The following ADAMTS14 variants were observed in gnomAD, a reference collection of about 807,000 sequenced individuals.
ADAMTS14 encodes the protein ADAM metallopeptidase with thrombospondin type 1 motif 14, also known as A disintegrin and metalloproteinase with thrombospondin motifs 14.
A neutral mutation model predicts 128.6 loss-of-function variants in ADAMTS14; 100 were observed. That is an observed-to-expected ratio of 0.78 (90% CI 0.66 to 0.92). The LOEUF (loss-of-function observed/expected upper bound fraction) is 0.92. Among genes scored for constraint, ADAMTS14 ranks in the 40% least tolerant of loss-of-function variants. ADAMTS14 has a pLI of 0.00. For missense variants in ADAMTS14, 1,562 were observed against 1,658.6 expected (o/e 0.94, Z 1.01); for synonymous variants, 665 against 653.8 (o/e 1.02, Z -0.26).
chr10:70,679,100 A>G (rs1008740952), intron 2 of ADAMTS14, among the ~76,000 whole-genome samples: 1 of 152,158 alleles, frequency 6.6e-6, no homozygotes, highest in Non-Finnish European at 1.5e-5. Context: ...TTGAGAATCT[A>G]GTGAGAGGCA....
At chr10:70,693,309 C>T (rs1028328462) in intron 2 of ADAMTS14, among the ~76,000 whole-genome samples, 2 of 152,180 alleles carry the variant, frequency 1.3e-5, no homozygotes, top group Non-Finnish European at 2.9e-5. Flanking sequence ...ATGTCAAAGA[C>T]AGGCCATAGC....
chr10:70,725,585 G>A (rs1486756595), intron 4 of ADAMTS14, among the ~76,000 whole-genome samples: 1 of 152,188 alleles, frequency 6.6e-6, no homozygotes, highest in Non-Finnish European at 1.5e-5. Flanking sequence ...TAGAAGGAGT[G>A]AGGGGGTCTT....
At chr10:70,723,738 C>T (rs1368564267) in intron 4 of ADAMTS14, among the ~76,000 whole-genome samples, 7 of 152,138 alleles carry the variant, frequency 4.6e-5, no homozygotes, top group Admixed American at 2.6e-4. Context: ...AAGACCTGCC[C>T]GAGCCTGGCT....
At chr10:70,747,148 G>A (rs773516990) in intron 15 of ADAMTS14, among the ~76,000 whole-genome samples, 3 of 152,148 alleles carry the variant, frequency 2.0e-5, no homozygotes, top group Non-Finnish European at 4.4e-5. Flanking sequence ...CCTGGAGAAT[G>A]CATCTGCATT....
At chr10:70,721,829 A>G (rs1432462775) in intron 4 of ADAMTS14, among the ~76,000 whole-genome samples, 1 of 152,208 alleles carries the variant, frequency 6.6e-6, no homozygotes, top group Admixed American at 6.5e-5. Flanking sequence ...TGACCTTTCC[A>G]TGCAGCATTG....
chr10:70,757,915 T>C, intron 19 of ADAMTS14, 47 bp from the exon 20 acceptor site: 1 of 1,546,740 alleles, frequency 6.5e-7, no homozygotes, highest in South Asian at 1.3e-5. Context: ...TCTCTCCACC[T>C]ACCCTGACCC....
intron 3 of ADAMTS14, among the ~76,000 whole-genome samples, chr10:70,707,919 G>T (rs145553719): frequency 6.8e-4 from 103 of 152,314 alleles, no homozygotes; most frequent in African/African-American, 2.4e-3. Context: ...TCGAATGGTT[G>T]TGACCGAGAA....
intron 7 of ADAMTS14, among the ~76,000 whole-genome samples, chr10:70,733,131 A>G (rs1589313101): frequency 6.6e-6 from 1 of 152,020 alleles, no homozygotes. Context: ...CCTCCTCTCC[A>G]CACCTGCAAC....
chr10:70,705,484 T>A (rs1295422050), intron 3 of ADAMTS14, among the ~76,000 whole-genome samples: 1 of 152,242 alleles, frequency 6.6e-6, no homozygotes, highest in Non-Finnish European at 1.5e-5. Context: ...ATTTTAACCA[T>A]TTTGAGGCAT....
rs146801197 is a variant in ADAMTS14 at position 70,733,097 on chromosome 10, C to G, written c.1208+738C>G. 6.3e-3 allele frequency among the ~76,000 whole-genome samples: 958 copies of G among 152,280 alleles called. 9 individuals carry two copies. The highest frequency in any genetic ancestry group is 9.8e-3 in the Non-Finnish European group (670 of 68,022). Reference sequence around the variant, plus strand: ...TCAGCCCTGTTAGATTTTATCCCAGCTCTGCTCCTCCAGGCAGGTGGGACC... The same window carrying G: ...TCAGCCCTGTTAGATTTTATCCCAGGTCTGCTCCTCCAGGCAGGTGGGACC... On this transcript the variant is annotated intron_variant, in intron 7 of 21. Coordinates refer to ENST00000373207, the MANE Select transcript of ADAMTS14 (RefSeq NM_080722.4).
At chr10:70,687,038 C>T (rs1166847175) in intron 2 of ADAMTS14, among the ~76,000 whole-genome samples, 46 of 118,618 alleles carry the variant, frequency 3.9e-4, no homozygotes, top group African/African-American at 1.3e-3. Flanking sequence ...CCGGACGGGG[C>T]GGCTGGCCGG....
At chr10:70,732,087 C>T (rs1263834196) in intron 6 of ADAMTS14, among the ~76,000 whole-genome samples, 167 bp from the exon 7 acceptor site, 1 of 152,126 alleles carries the variant, frequency 6.6e-6, no homozygotes, top group Non-Finnish European at 1.5e-5. Flanking sequence ...GGTGGCTTGG[C>T]CCAGGTTTGT....
intron 4 of ADAMTS14, among the ~76,000 whole-genome samples, chr10:70,724,405 C>G (rs140583739): frequency 6.6e-6 from 1 of 152,184 alleles, no homozygotes; most frequent in Admixed American, 6.5e-5. Context: ...GGAAGCGATC[C>G]GTGATCTCCC....
At chr10:70,691,487 T>TAAAAAAAAAAAAAAAAAAAA (rs11373533) in intron 2 of ADAMTS14, among the ~76,000 whole-genome samples, 3 of 86,700 alleles carry the variant, frequency 3.5e-5, no homozygotes, top group East Asian at 3.2e-4. Context: ...GAGACCCTGT[T>TAAAAAAAAAAAAAAAAAAAA]AAAAAAAAAA....
At position 70,730,256 on chromosome 10, in the gene ADAMTS14, A is replaced by C. The variant is rs1311745970; in HGVS notation, c.1102+7A>C. On this transcript the variant is annotated splice_region_variant and intron_variant, in intron 6 of 21. Transcript: ENST00000373207. ...CAGGACTTTGGGCCCTCAGGTATGC[A>C]AGGTACTGTATTTGCCATGGCCAGG... 1 of 1,613,250 alleles carries C rather than the reference A, an allele frequency of 6.2e-7. No homozygotes were observed. The highest frequency in any genetic ancestry group is 2.2e-5 in the East Asian group (1 of 44,854).
chr10:70,728,405 A>G (rs1184357073), intron 4 of ADAMTS14, among the ~76,000 whole-genome samples: 4 of 152,180 alleles, frequency 2.6e-5, no homozygotes, highest in Non-Finnish European at 4.4e-5. Flanking sequence ...TTTTATTTCT[A>G]GTGAGGTGTT....
intron 4 of ADAMTS14, among the ~76,000 whole-genome samples, chr10:70,726,847 C>G (rs1406543039): frequency 6.6e-6 from 1 of 152,166 alleles, no homozygotes; most frequent in African/African-American, 2.4e-5. Context: ...GACATTGTCT[C>G]TACGCATTGG....
At position 70,744,134 on chromosome 10, in the gene ADAMTS14, C is replaced by G. The variant is rs765742331; in HGVS notation, c.2127C>G (p.Asp709Glu). The change falls in exon 14 of 22, where the codon GAC becomes GAG. Residue 709 changes from aspartate (D) to glutamate (E), a missense_variant. Coordinates refer to ENST00000373207, the MANE Select transcript of ADAMTS14 (RefSeq NM_080722.4). ...ADDKCGVCGG[D>E]NSHCRTVKGT... ...ACAAGTGTGGAGTCTGCGGGGGTGA[C>G]AACTCCCACTGCAGGACTGTGAAGG... 3.8e-6 allele frequency: 6 copies of G among 1,559,862 alleles called. No individual in the cohort carries two copies. Among genetic ancestry groups the G allele is most frequent in the Non-Finnish European group, 4.3e-6 (5 of 1,151,768 alleles).
At chr10:70,706,233 G>A (rs1051851734) in intron 3 of ADAMTS14, among the ~76,000 whole-genome samples, 1 of 152,210 alleles carries the variant, frequency 6.6e-6, no homozygotes, top group Non-Finnish European at 1.5e-5. Context: ...AATTATGGCT[G>A]TGCCCCGATA....
Sources: gnomAD v4.1 joint callset for allele counts (sites outside exome capture counted in the v4.1 genomes callset) on GRCh38, gnomAD v4.1.1 for gene constraint, MANE v1.5 for transcripts, NCBI Gene and HGNC (gene_info 2026-07-23, HGNC 2026-07-21) for gene names.